PCDHGA6: variants seen among roughly 807,000 people sequenced by gnomAD.
The protein encoded by PCDHGA6 is protocadherin gamma-A6.
PCDHGA6 carries 41 observed loss-of-function variants against 60.6 expected under a neutral mutation model. The ratio of observed to expected loss-of-function variants is 0.68; its 90% CI spans 0.53 to 0.88. The LOEUF (loss-of-function observed/expected upper bound fraction) is 0.88, where lower values mean the gene tolerates loss of function less well. Ranked by LOEUF, PCDHGA6 falls within the 40% of genes least tolerant of loss-of-function variation. The pLI is 0.00. For synonymous variants in PCDHGA6, 594 were observed against 524.4 expected (o/e 1.13, Z -1.81); for missense variants, 1,312 against 1,203.0 (o/e 1.09, Z -1.34).
At chr5:141,433,220 T>C (rs781745522) in intron 1 of PCDHGA6, 1 of 1,509,734 alleles carries the variant, frequency 6.6e-7, no homozygotes, top group South Asian at 1.2e-5. Flanking sequence ...TTTTTTTTTT[T>C]AATTGCTCTG....
intron 1 of PCDHGA6, chr5:141,408,732 AT>A (rs1172232848): frequency 6.2e-7 from 1 of 1,610,014 alleles, no homozygotes; most frequent in Non-Finnish European, 8.5e-7. Context: ...TCTAATCCTT[AT>A]TTTTCATTAA....
chr5:141,383,615 C>G lies in PCDHGA6; in HGVS notation c.2424+7108C>G, dbSNP rs17097251. 9.9e-6 allele frequency: 16 copies of G among 1,613,694 alleles called. No homozygotes were observed. The Admixed American group carries it at 2.3e-4, about 24-fold the overall frequency. On this transcript the variant is annotated intron_variant, in intron 1 of 3. Coordinates refer to ENST00000517434, the MANE Select transcript of PCDHGA6 (RefSeq NM_018919.3). The stretch of plus-strand genomic sequence containing the variant: ...ACAGTGGTGGATGTGAATGACCACA[C>G]GCCTGTCTTCTCTCTGCCTCAGTAC...
chr5:141,389,840 C>T (rs2150401266), intron 1 of PCDHGA6: 2 of 1,614,048 alleles, frequency 1.2e-6, no homozygotes, highest in Non-Finnish European at 8.5e-7. Context: ...AGCCACCACT[C>T]TCGGCCACTG....
At chr5:141,425,021 CT>C (rs1561817318) in intron 1 of PCDHGA6, among the ~76,000 whole-genome samples, 1 of 152,054 alleles carries the variant, frequency 6.6e-6, no homozygotes, top group Non-Finnish European at 1.5e-5. Context: ...AGGAATTTAC[CT>C]TATGTCATTA....
intron 1 of PCDHGA6, among the ~76,000 whole-genome samples, chr5:141,437,886 C>T (rs763669578): frequency 1.1e-4 from 17 of 152,140 alleles, no homozygotes; most frequent in Non-Finnish European, 1.5e-4. Context: ...TACAGGCACA[C>T]GCCACCACAC....
rs779981011 is a variant in PCDHGA6 at position 141,395,287 on chromosome 5, G to T, written c.2424+18780G>T. 11 of 1,533,118 alleles carry T rather than the reference G, an allele frequency of 7.2e-6. No homozygotes were observed. The South Asian group carries it at 1.3e-4, about 18-fold the overall frequency. 95.0% of individuals were successfully genotyped at this position (1,533,118 alleles called of 1,614,324 possible). A position where few individuals can be genotyped will look rare whatever the true frequency, so the allele number is the denominator to read the frequency against. On this transcript the variant is annotated intron_variant, in intron 1 of 3. Transcript: ENST00000517434. ...TTAATTTCCAGATGAATTTTATTTG[G>T]CATAAATTATGTTTTGAAAAACATT...
chr5:141,395,248 T>G lies in PCDHGA6; in HGVS notation c.2424+18741T>G, dbSNP rs1300416039. The G allele has an allele frequency of 4.5e-6, 7 of 1,561,360 alleles. No individual in the cohort carries two copies. In the Admixed American group the frequency reaches 1.4e-4, roughly 31 times the overall value. On this transcript the variant is annotated intron_variant, in intron 1 of 3. Transcript: ENST00000517434. ...GCTGATCATGGTCAGGTGAGTTTAG[T>G]TCTTTGCTTGCTTTTAATTTCCAGA...
chr5:141,383,951 C>CT (rs1779634638), intron 1 of PCDHGA6: 1 of 1,613,676 alleles, frequency 6.2e-7, no homozygotes, highest in African/African-American at 1.3e-5. Context: ...ACTATGACGT[C>CT]TTTAAGTAGC....
At chr5:141,478,694 T>A (rs2099472305) in intron 1 of PCDHGA6, 1 of 1,550,598 alleles carries the variant, frequency 6.4e-7, no homozygotes, top group Admixed American at 2.0e-5. Flanking sequence ...TAGATCAAAG[T>A]TAGTGCCTTT....
At chr5:141,443,977 AT>A (rs1443967001) in intron 1 of PCDHGA6, among the ~76,000 whole-genome samples, 1 of 152,020 alleles carries the variant, frequency 6.6e-6, no homozygotes, top group African/African-American at 2.4e-5. Context: ...CATCTAAGCT[AT>A]GTTAATTTTA....
intron 1 of PCDHGA6, 146 bp from the exon 2 acceptor site, chr5:141,494,661 G>C (rs2099755951): frequency 6.7e-7 from 1 of 1,492,856 alleles, no homozygotes; most frequent in African/African-American, 1.4e-5. Context: ...TTTGTCTTTG[G>C]AGATGAGTCC....
intron 1 of PCDHGA6, among the ~76,000 whole-genome samples, chr5:141,439,635 C>T (rs1326926948): frequency 3.3e-5 from 5 of 152,274 alleles, no homozygotes; most frequent in Middle Eastern, 3.4e-3. Context: ...CCAGACATTC[C>T]GGCTTGGTGG....
chr5:141,408,230 C>G (rs1470965375), intron 1 of PCDHGA6: 1 of 1,566,168 alleles, frequency 6.4e-7, no homozygotes, highest in Non-Finnish European at 8.7e-7. Flanking sequence ...GCAGAGGCGC[C>G]GGGCCGGCCC....
chr5:141,409,513 C>G (rs2095276446), intron 1 of PCDHGA6: 1 of 1,614,030 alleles, frequency 6.2e-7, no homozygotes, highest in South Asian at 1.1e-5. Flanking sequence ...CCAGTAGAAG[C>G]ATCACCTTGT....
chr5:141,419,248 AAAC>A (rs1229992972), intron 1 of PCDHGA6: 1 of 1,613,980 alleles, frequency 6.2e-7, no homozygotes, highest in Admixed American at 1.7e-5. Context: ...ACGTGCCAGA[AAAC>A]AACCAGCCGG....
At chr5:141,450,599 G>T (rs569531886) in intron 1 of PCDHGA6, among the ~76,000 whole-genome samples, 11 of 150,286 alleles carry the variant, frequency 7.3e-5, no homozygotes, top group African/African-American at 2.7e-4. Flanking sequence ...CAATTCTCCT[G>T]CCTCAGCCTC....
intron 1 of PCDHGA6, among the ~76,000 whole-genome samples, chr5:141,458,009 G>T (rs1039110082): frequency 2.6e-5 from 4 of 152,142 alleles, no homozygotes; most frequent in Non-Finnish European, 4.4e-5. Context: ...AAAATAACCG[G>T]TTTTTCCAAT....
chr5:141,465,142 T>TCCCTAA (rs2099097979), intron 1 of PCDHGA6, among the ~76,000 whole-genome samples: 3 of 151,990 alleles, frequency 2.0e-5, no homozygotes, highest in Non-Finnish European at 4.4e-5. Flanking sequence ...GTTTAGGGGA[T>TCCCTAA]ATATGAAGGG....
intron 1 of PCDHGA6, among the ~76,000 whole-genome samples, chr5:141,466,670 G>A (rs994949602): frequency 9.2e-5 from 14 of 152,046 alleles, no homozygotes; most frequent in African/African-American, 2.2e-4. Flanking sequence ...TGATTTCACC[G>A]TTCTTCCACT....
Sources: gnomAD v4.1 joint callset for allele counts (sites outside exome capture counted in the v4.1 genomes callset) on GRCh38, gnomAD v4.1.1 for gene constraint, MANE v1.5 for transcripts, NCBI Gene and HGNC (gene_info 2026-07-23, HGNC 2026-07-21) for gene names.